The following CDK13 variants were observed in gnomAD, a reference collection of about 807,000 sequenced individuals.
CDK13 encodes cyclin-dependent kinase 13.
A neutral mutation model predicts 137.6 loss-of-function variants in CDK13; 40 were observed. The ratio of observed to expected loss-of-function variants is 0.29; its 90% CI spans 0.23 to 0.38. The LOEUF is 0.38. Ranked by LOEUF, CDK13 falls within the 10% of genes least tolerant of loss-of-function variation. CDK13 has a pLI of 1.00. For synonymous variants in CDK13, 869 were observed against 760.1 expected (o/e 1.14, Z -2.36); for missense variants, 1,704 against 1,951.8 (o/e 0.87, Z 2.39).
rs146913614 is a variant in CDK13, at chr7:40,051,970, A to G, written c.2600+4093A>G. Among the ~76,000 whole-genome samples the G allele has an allele frequency of 4.7e-3, 709 of 152,252 alleles. 5 individuals are homozygous for G. The highest frequency in any genetic ancestry group is 0.015 in the African/African-American group (638 of 41,550). On this transcript the variant is annotated intron_variant, in intron 7 of 13. Transcript: ENST00000181839. ...CTTCATTAACTGTTCATCTTTTAGTATATGGTTTTTTAAGTATAGTTTTTC... is the reference window on the plus strand; with the variant it reads ...CTTCATTAACTGTTCATCTTTTAGTGTATGGTTTTTTAAGTATAGTTTTTC...
At position 40,096,084 on chromosome 7, in the gene CDK13, C is replaced by T. The variant is rs1333946823; in HGVS notation, c.*1104C>T. 6.6e-6 allele frequency: 1 copy of T among 152,048 alleles called. No homozygotes were observed. The highest frequency in any genetic ancestry group is 2.4e-5 in the African/African-American group (1 of 41,406). The allele number at this position is 152,048 out of a possible 1,614,324, so 9.4% of individuals were successfully genotyped here. On this transcript the variant is annotated 3_prime_UTR_variant, in exon 14 of 14. Coordinates refer to ENST00000181839, the MANE Select transcript of CDK13 (RefSeq NM_003718.5). ...TAATTGGAGGGTCATGGTATAGAAG[C>T]AAGAGTTAATAACAGAACTTGCCTA...
intron 4 of CDK13, among the ~76,000 whole-genome samples, chr7:39,999,886 G>GT (rs17537866): frequency 6.6e-6 from 1 of 151,694 alleles, no homozygotes; most frequent in African/African-American, 2.4e-5. Flanking sequence ...TTAGCCTTCA[G>GT]TTTTTTTTCC....
intron 7 of CDK13, chr7:40,049,154 C>G (rs1361814030): frequency 7.9e-6 from 1 of 125,920 alleles, no homozygotes; most frequent in Non-Finnish European, 1.6e-5. Context: ...GAGATCACAC[C>G]ACTGTACTCC....
At chr7:39,966,876 A>G (rs577256089) in intron 1 of CDK13, among the ~76,000 whole-genome samples, 67 of 152,130 alleles carry the variant, frequency 4.4e-4, no homozygotes, top group African/African-American at 1.5e-3. Context: ...CTGGAGGTCC[A>G]CTCCAGACCC....
intron 1 of CDK13, among the ~76,000 whole-genome samples, chr7:39,961,460 C>A (rs1783722538): frequency 6.6e-6 from 1 of 152,150 alleles, no homozygotes; most frequent in Admixed American, 6.5e-5. Context: ...TTCTGTCTAT[C>A]TGAAACTTTG....
At chr7:40,063,147 C>A (rs1786192447) in intron 9 of CDK13, 47 bp downstream of exon 9, 4 of 1,380,282 alleles carry the variant, frequency 2.9e-6, no homozygotes, top group African/African-American at 1.4e-5. Context: ...GAGTGTCATA[C>A]TCCACAGGAA....
rs1787072592 is a variant in CDK13 at position 40,097,485 on chromosome 7, G to T, written c.*2505G>T. On this transcript the variant is annotated 3_prime_UTR_variant, in exon 14 of 14. Coordinates refer to ENST00000181839, the MANE Select transcript of CDK13 (RefSeq NM_003718.5). The stretch of plus-strand genomic sequence containing the variant: ...TTAATATTTTAATTCAGTGAATTTG[G>T]ATTAATAGAACAAAGTTGGGAAATC... 6.6e-6 allele frequency: 1 copy of T among 152,002 alleles called. No individual in the cohort carries two copies. Among genetic ancestry groups the T allele is most frequent in the Non-Finnish European group, 1.5e-5 (1 of 67,952 alleles). The allele number at this position is 152,002 out of a possible 1,614,324, so 9.4% of individuals were successfully genotyped here.
chr7:40,037,890 A>G (rs1429409442), intron 5 of CDK13, among the ~76,000 whole-genome samples: 1 of 152,198 alleles, frequency 6.6e-6, no homozygotes, highest in Non-Finnish European at 1.5e-5. Context: ...TATACCCCCC[A>G]GCTGTATATA....
intron 9 of CDK13, among the ~76,000 whole-genome samples, chr7:40,077,222 G>A (rs1786565332): frequency 6.6e-6 from 1 of 152,082 alleles, no homozygotes; most frequent in Non-Finnish European, 1.5e-5. Context: ...TCCATTGATG[G>A]CAGTTAGCAG....
chr7:39,982,008 CT>C (rs1226391240), intron 1 of CDK13, among the ~76,000 whole-genome samples: 15 of 143,570 alleles, frequency 1.0e-4, no homozygotes, highest in African/African-American at 2.6e-4. Flanking sequence ...TTCTTTTTTT[CT>C]TTTTTTTTAA....
chr7:39,954,831 C>T (rs1787357735), intron 1 of CDK13, among the ~76,000 whole-genome samples: 3 of 152,156 alleles, frequency 2.0e-5, no homozygotes, highest in Admixed American at 2.0e-4. Flanking sequence ...GTTGCCCAGG[C>T]TGGTGTCAAA....
intron 5 of CDK13, among the ~76,000 whole-genome samples, chr7:40,024,461 A>G (rs559621982): frequency 3.9e-5 from 6 of 152,164 alleles, no homozygotes; most frequent in South Asian, 2.1e-4. Context: ...AGTAATAACA[A>G]TTTCTCAGGT....
At chr7:39,973,129 C>T (rs1784034952) in intron 1 of CDK13, among the ~76,000 whole-genome samples, 1 of 151,996 alleles carries the variant, frequency 6.6e-6, no homozygotes, top group African/African-American at 2.4e-5. Flanking sequence ...ATCTCTTGTC[C>T]ACCCCCACTA....
Position 39,970,372 on chromosome 7 carries a change from A to G in CDK13, c.1212-17227A>G, listed in dbSNP as rs566553320. Among the ~76,000 whole-genome samples the G allele has an allele frequency of 1.4e-4, 22 of 152,306 alleles. No homozygotes were observed. In the South Asian group the frequency reaches 1.4e-3, roughly 10 times the overall value. ...TAACAGATATTTTCTCCTTAGGCTT[A>G]TAATGTGCATGTTTCTCAGTCTACT... On this transcript the variant is annotated intron_variant, in intron 1 of 13. Transcript: ENST00000181839.
rs914362610 is a variant in CDK13 at position 39,951,328 on chromosome 7, C to T, written c.687C>T (p.Ser229=). The T allele has an allele frequency of 4.2e-6, 6 of 1,436,516 alleles. No homozygotes were observed. The African/African-American group carries it at 7.5e-5, about 18-fold the overall frequency. 89.0% of individuals were successfully genotyped at this position (1,436,516 alleles called of 1,614,324 possible). ...RDGQRGGSEA[S]KSRSRHSHSG... is the part of the protein sequence containing the mutation. ...GGCAGCGCGGTGGCAGCGAGGCCTCCAAGTCCCGCAGCCGCCACAGCCACA... is the reference window on the plus strand; with the variant it reads ...GGCAGCGCGGTGGCAGCGAGGCCTCTAAGTCCCGCAGCCGCCACAGCCACA... Residue 229 remains serine (S), a synonymous_variant, in exon 1 of 14, where the codon TCC becomes TCT. Transcript: ENST00000181839.
Position 40,088,109 on chromosome 7 carries a change from T to G in CDK13, c.3030-17T>G, listed in dbSNP as rs756393604. On this transcript the variant is annotated splice_polypyrimidine_tract_variant and intron_variant, in intron 11 of 13. Coordinates refer to ENST00000181839, the MANE Select transcript of CDK13 (RefSeq NM_003718.5). Reference sequence around the variant, plus strand: ...TAAGAAATGCCATTTACAATTTAATTCCTTTTTTTTTTTCAGTCTCCCTTT... The same window carrying G: ...TAAGAAATGCCATTTACAATTTAATGCCTTTTTTTTTTTCAGTCTCCCTTT... 2.5e-6 allele frequency: 4 copies of G among 1,593,976 alleles called. No homozygotes were observed. Among genetic ancestry groups the G allele is most frequent in the Non-Finnish European group, 3.4e-6 (4 of 1,167,252 alleles).
Position 39,951,470 on chromosome 7 carries a change from A to G in CDK13, c.829A>G (p.Lys277Glu), listed in dbSNP as rs2116065256. The change falls in exon 1 of 14, where the codon AAG becomes GAG. Residue 277 changes from lysine (K) to glutamate (E), a missense_variant. Coordinates refer to ENST00000181839, the MANE Select transcript of CDK13 (RefSeq NM_003718.5). ...SSSSRKDRDSKAHRSRTKSSK... is the reference protein window; with the variant it reads ...SSSSRKDRDSEAHRSRTKSSK... ...TAGCAGCCGCAAGGACCGGGACTCG[A>G]AGGCCCACCGCAGCCGGACTAAGTC... The G allele has an allele frequency of 6.5e-7, 1 of 1,538,454 alleles. No individual in the cohort carries two copies. The highest frequency in any genetic ancestry group is 8.7e-7 in the Non-Finnish European group (1 of 1,143,322).
At chr7:40,085,309 C>T (rs569958235) in intron 11 of CDK13, among the ~76,000 whole-genome samples, 14 of 150,844 alleles carry the variant, frequency 9.3e-5, no homozygotes, top group Non-Finnish European at 1.6e-4. Context: ...TGGAGTGAGC[C>T]GGGATAGCAC....
At chr7:40,069,168 G>C (rs1420556750) in intron 9 of CDK13, 2 of 363,360 alleles carry the variant, frequency 5.5e-6, no homozygotes, top group Non-Finnish European at 1.1e-5. Flanking sequence ...AAGGGAGGTC[G>C]AGGCTACAGT....
Sources: allele counts gnomAD v4.1 joint callset (sites outside exome capture counted in the v4.1 genomes callset), GRCh38; gene constraint gnomAD v4.1.1; transcripts MANE v1.5; gene names NCBI Gene and HGNC (gene_info 2026-07-23, HGNC 2026-07-21).